Variants in METTL15 observed in about 807,000 individuals in gnomAD.
METTL15 encodes 12S rRNA N(4)-cytidine methyltransferase METTL15.
In METTL15, 34 loss-of-function variants were observed where a neutral mutation model predicts 38.3. The ratio of observed to expected loss-of-function variants is 0.89; its 90% CI spans 0.68 to 1.18. METTL15 has a LOEUF of 1.18. METTL15 is among the 50% of genes most tolerant of loss of function. METTL15 has a pLI of 0.00. For synonymous variants in METTL15, 162 were observed against 170.9 expected, an observed-to-expected ratio of 0.95 and a Z score of 0.41; for missense variants, 438 against 498.4, an observed-to-expected ratio of 0.88 and a Z score of 1.15.
chr11:28,164,652 ATTT>A (rs1850592489), intron 3 of METTL15, among the ~76,000 whole-genome samples: 1 of 152,014 alleles, frequency 6.6e-6, no homozygotes, highest in Non-Finnish European at 1.5e-5. Context: ...CATGTCACTT[ATTT>A]TTTATGGTAA....
chr11:28,335,201 T>C (rs901617685), downstream of METTL15, among the ~76,000 whole-genome samples: 2 of 152,176 alleles, frequency 1.3e-5, no homozygotes, highest in Admixed American at 6.6e-5. Flanking sequence ...CATCAAATGA[T>C]AGGATTCCTC....
chr11:28,148,557 A>G lies in METTL15; in HGVS notation c.270+34953A>G, dbSNP rs188194496. Among the ~76,000 whole-genome samples the G allele has an allele frequency of 9.8e-4, 149 of 151,840 alleles. 1 individual carries two copies. The highest frequency in any genetic ancestry group is 3.3e-3 in the African/African-American group (136 of 41,458). On this transcript the variant is annotated intron_variant, in intron 3 of 6. Coordinates refer to ENST00000407364, the MANE Select transcript of METTL15 (RefSeq NM_001113528.2). ...TAATATTGGGTCATGCTTATTTCCAATTGTATTTTCCATTTTTATAATTTT... is the reference window on the plus strand; with the variant it reads ...TAATATTGGGTCATGCTTATTTCCAGTTGTATTTTCCATTTTTATAATTTT...
chr11:28,313,942 A>G (rs976721302), intron 6 of METTL15, among the ~76,000 whole-genome samples: 1 of 152,216 alleles, frequency 6.6e-6, no homozygotes, highest in African/African-American at 2.4e-5. Flanking sequence ...TTCAAAATGT[A>G]TACATGTCCT....
intron 4 of METTL15, among the ~76,000 whole-genome samples, chr11:28,218,587 A>C (rs979106714): frequency 6.8e-4 from 104 of 152,268 alleles, no homozygotes; most frequent in African/African-American, 2.3e-3. Context: ...CAGAACTTCC[A>C]ACACTGTGTT....
intron 6 of METTL15, among the ~76,000 whole-genome samples, chr11:28,465,613 C>A (rs1451525598): frequency 6.6e-6 from 1 of 152,176 alleles, no homozygotes; most frequent in African/African-American, 2.4e-5. Context: ...TAATGGTTGC[C>A]AAATCAGAAA....
rs369067682 is a variant in METTL15 at position 28,211,222 on chromosome 11, A to G, written c.407+24A>G. 83 of 1,586,140 alleles carry G rather than the reference A, an allele frequency of 5.2e-5. No homozygotes were observed. The African/African-American group carries it at 1.1e-3, about 20-fold the overall frequency. ...CCGTAAGTAATACCCTTGCATATTTATTTGATTTTGGTTCTTAGTTTTACA... is the reference window on the plus strand; with the variant it reads ...CCGTAAGTAATACCCTTGCATATTTGTTTGATTTTGGTTCTTAGTTTTACA... On this transcript the variant is annotated intron_variant, in intron 4 of 6. Transcript: ENST00000407364.
intron 3 of METTL15, among the ~76,000 whole-genome samples, chr11:28,155,600 T>C (rs924517790): frequency 1.3e-5 from 2 of 152,122 alleles, no homozygotes; most frequent in African/African-American, 2.4e-5. Context: ...GGAGACCATA[T>C]TGCATATAGG....
chr11:28,334,232 G>A (rs1849880302), downstream of METTL15, among the ~76,000 whole-genome samples: 2 of 151,886 alleles, frequency 1.3e-5, no homozygotes, highest in Non-Finnish European at 2.9e-5. Context: ...AATTTGAGGT[G>A]ACATTAATTA....
chr11:28,143,833 G>A (rs990720825), intron 3 of METTL15, among the ~76,000 whole-genome samples: 3 of 152,272 alleles, frequency 2.0e-5, no homozygotes, highest in Non-Finnish European at 2.9e-5. Context: ...TTAATGACTC[G>A]GTTTAGGAAG....
At chr11:28,347,718 C>T (rs1208620247) in intron 3 of METTL15, among the ~76,000 whole-genome samples, 1 of 152,242 alleles carries the variant, frequency 6.6e-6, no homozygotes, top group Non-Finnish European at 1.5e-5. Context: ...GCACCCAACT[C>T]ACTATAGTAC....
chr11:28,451,741 C>G (rs1851122596), intron 6 of METTL15, among the ~76,000 whole-genome samples: 1 of 152,160 alleles, frequency 6.6e-6, no homozygotes. Context: ...CACTGCTCAC[C>G]CTATTATGCA....
chr11:28,198,552 T>C lies in METTL15; in HGVS notation c.271-12510T>C, dbSNP rs576826716. Among the ~76,000 whole-genome samples the C allele has an allele frequency of 1.9e-3, 293 of 152,270 alleles. 1 individual carries two copies. The highest frequency in any genetic ancestry group is 3.4e-3 in the Middle Eastern group (1 of 294). On this transcript the variant is annotated intron_variant, in intron 3 of 6. Transcript: ENST00000407364. ...GATAAAATGGGAAGAGATATAAATT[T>C]ATTGCAATGCATTAATTGTTTTGTT...
intron 3 of METTL15, among the ~76,000 whole-genome samples, chr11:28,171,537 TCA>T (rs1850857392): frequency 1.3e-5 from 2 of 152,192 alleles, no homozygotes. Context: ...TATTTTAATC[TCA>T]GTTTTCAGTA....
chr11:28,462,619 G>T (rs1241764331), intron 6 of METTL15, among the ~76,000 whole-genome samples: 1 of 151,920 alleles, frequency 6.6e-6, no homozygotes, highest in Non-Finnish European at 1.5e-5. Context: ...AACTGATGGT[G>T]GTCTCTTCAG....
At chr11:28,376,348 C>T (rs1850311633) in intron 5 of METTL15, among the ~76,000 whole-genome samples, 1 of 151,644 alleles carries the variant, frequency 6.6e-6, no homozygotes, top group Non-Finnish European at 1.5e-5. Context: ...TCTGGGTGCT[C>T]CTGTATTGGG....
intron 6 of METTL15, among the ~76,000 whole-genome samples, chr11:28,453,028 C>G: frequency 6.6e-6 from 1 of 152,188 alleles, no homozygotes; most frequent in East Asian, 1.9e-4. Flanking sequence ...TCTGGCCAAC[C>G]TACTGATCCC....
intron 3 of METTL15, among the ~76,000 whole-genome samples, chr11:28,184,137 T>G (rs1851403500): frequency 6.6e-6 from 1 of 152,028 alleles, no homozygotes; most frequent in Non-Finnish European, 1.5e-5. Context: ...GTCTATTTGA[T>G]TCTTCTCTCT....
chr11:28,385,852 G>A (rs1850435061), intron 5 of METTL15, among the ~76,000 whole-genome samples: 1 of 152,006 alleles, frequency 6.6e-6, no homozygotes, highest in Admixed American at 6.6e-5. Flanking sequence ...CTTCTATGCT[G>A]CCATTTTGGA....
At chr11:28,225,397 G>T (rs1853434771) in intron 4 of METTL15, among the ~76,000 whole-genome samples, 1 of 151,780 alleles carries the variant, frequency 6.6e-6, no homozygotes. Context: ...ATACATCTGA[G>T]GTTTTGTTTA....
Sources: gnomAD v4.1 joint callset for allele counts (sites outside exome capture counted in the v4.1 genomes callset) on GRCh38, gnomAD v4.1.1 for gene constraint, MANE v1.5 for transcripts, NCBI Gene and HGNC (gene_info 2026-07-23, HGNC 2026-07-21) for gene names.